The following UBASH3B variants were observed in gnomAD, a reference collection of about 807,000 sequenced individuals.
UBASH3B encodes ubiquitin-associated and SH3 domain-containing protein B.
Under a neutral mutation model 83.4 loss-of-function variants are expected in UBASH3B, and 37 were observed. The ratio of observed to expected loss-of-function variants is 0.44; its 90% CI spans 0.34 to 0.58. The LOEUF (loss-of-function observed/expected upper bound fraction) is 0.58. Ranked by LOEUF, UBASH3B falls within the 20% of genes least tolerant of loss-of-function variation. The probability of loss-of-function intolerance (pLI) is 0.01; values close to 1 mark genes in which losing one functional copy is unlikely to be tolerated. For missense variants in UBASH3B, 657 were observed against 827.2 expected (o/e 0.79, Z 2.52); for synonymous variants, 304 against 318.3 (o/e 0.96, Z 0.48).
chr11:122,804,597 C>CA (rs1861306721), intron 11 of UBASH3B, among the ~76,000 whole-genome samples: 1 of 152,112 alleles, frequency 6.6e-6, no homozygotes, highest in South Asian at 2.1e-4. Context: ...TTTTGTCATC[C>CA]ATAAACAGCA....
chr11:122,773,663 G>A lies in UBASH3B; in HGVS notation c.162-2556G>A, dbSNP rs113281325. 9.6e-3 allele frequency among the ~76,000 whole-genome samples: 1,463 copies of A among 152,194 alleles called. 19 individuals carry two copies. The highest frequency in any genetic ancestry group is 0.034 in the African/African-American group (1,401 of 41,530). On this transcript the variant is annotated intron_variant, in intron 1 of 13. Transcript: ENST00000284273. ...TCAGATCTCGGCTTTTCAGAACAAAGAATTTGGATTTCCTTAGCCTTTCAT... is the reference window on the plus strand; with the variant it reads ...TCAGATCTCGGCTTTTCAGAACAAAAAATTTGGATTTCCTTAGCCTTTCAT...
intron 3 of UBASH3B, among the ~76,000 whole-genome samples, chr11:122,777,743 G>T (rs1263695434): frequency 6.6e-6 from 1 of 151,950 alleles, no homozygotes; most frequent in African/African-American, 2.4e-5. Flanking sequence ...TGTTGTTGTT[G>T]TTTTGAGACA....
intron 1 of UBASH3B, among the ~76,000 whole-genome samples, chr11:122,668,825 T>A (rs1198962565): frequency 2.0e-5 from 3 of 152,220 alleles, no homozygotes; most frequent in Admixed American, 6.5e-5. Flanking sequence ...CTCAAAGTAC[T>A]GTGAACTGTT....
intron 2 of UBASH3B, 48 bp from the exon 3 acceptor site, chr11:122,776,976 T>G (rs372671239): frequency 2.0e-6 from 3 of 1,506,510 alleles, no homozygotes; most frequent in African/African-American, 2.8e-5. Context: ...TTTTTTCCCC[T>G]CCCATTATTC....
At chr11:122,792,955 C>G (rs1296341920) in intron 6 of UBASH3B, among the ~76,000 whole-genome samples, 1 of 151,494 alleles carries the variant, frequency 6.6e-6, no homozygotes, top group African/African-American at 2.4e-5. Context: ...TCTGAGACTT[C>G]GTTTATAAGT....
intron 1 of UBASH3B, among the ~76,000 whole-genome samples, chr11:122,690,916 A>G (rs1377825833): frequency 6.6e-6 from 1 of 152,130 alleles, no homozygotes; most frequent in Non-Finnish European, 1.5e-5. Flanking sequence ...GAACTTGATC[A>G]CTGGGCCCGA....
intron 1 of UBASH3B, among the ~76,000 whole-genome samples, chr11:122,746,875 G>A (rs538678644): frequency 6.6e-6 from 1 of 152,194 alleles, no homozygotes; most frequent in Non-Finnish European, 1.5e-5. Context: ...GGCCGTGAGG[G>A]GGGATTTGTG....
intron 4 of UBASH3B, among the ~76,000 whole-genome samples, chr11:122,780,024 A>G (rs1860823239): frequency 6.6e-6 from 1 of 152,194 alleles, no homozygotes; most frequent in Non-Finnish European, 1.5e-5. Context: ...ATTCAGAATT[A>G]AAGAAACATC....
intron 4 of UBASH3B, among the ~76,000 whole-genome samples, chr11:122,781,203 G>GGACT (rs1474371530): frequency 2.7e-5 from 4 of 150,766 alleles, no homozygotes; most frequent in African/African-American, 9.8e-5. Context: ...CTCAGCGACG[G>GGACT]GACTAGTCTC....
intron 1 of UBASH3B, among the ~76,000 whole-genome samples, chr11:122,731,385 A>C (rs1860841717): frequency 1.3e-5 from 2 of 152,086 alleles, no homozygotes; most frequent in African/African-American, 4.8e-5. Flanking sequence ...TTAAATGGAG[A>C]ACTTTACGTC....
chr11:122,675,190 G>T (rs1178309668), intron 1 of UBASH3B, among the ~76,000 whole-genome samples: 1 of 152,170 alleles, frequency 6.6e-6, no homozygotes, highest in Non-Finnish European at 1.5e-5. Context: ...CTGCTTTGCT[G>T]GTTTATTTTT....
At chr11:122,700,038 C>T (rs978759857) in intron 1 of UBASH3B, among the ~76,000 whole-genome samples, 4 of 152,110 alleles carry the variant, frequency 2.6e-5, no homozygotes, top group African/African-American at 9.7e-5. Context: ...TTCACTTGGC[C>T]GTATTCAGTG....
At chr11:122,667,772 G>T (rs538159119) in intron 1 of UBASH3B, among the ~76,000 whole-genome samples, 10 of 152,298 alleles carry the variant, frequency 6.6e-5, no homozygotes, top group African/African-American at 1.9e-4. Context: ...GAAATCTGTA[G>T]CTGGAATTGC....
chr11:122,664,621 GATAGGTGATCCCTTT>G (rs1445679927), intron 1 of UBASH3B, among the ~76,000 whole-genome samples: 9 of 152,192 alleles, frequency 5.9e-5, no homozygotes, highest in Non-Finnish European at 1.0e-4. Context: ...CTCGGTATGT[GATAGGTGATCCCTTT>G]TCTTGTTTCA....
chr11:122,683,314 A>G (rs1482288300), intron 1 of UBASH3B, among the ~76,000 whole-genome samples: 1 of 151,420 alleles, frequency 6.6e-6, no homozygotes, highest in Non-Finnish European at 1.5e-5. Context: ...GACTGTGACT[A>G]TTTAAATTAT....
At chr11:122,775,943 A>T (rs1457039617) in intron 1 of UBASH3B, 1 of 361,074 alleles carries the variant, frequency 2.8e-6, no homozygotes, top group African/African-American at 2.1e-5. Flanking sequence ...AAGCAAAAAT[A>T]AAACTCTAAT....
chr11:122,679,052 G>A (rs951228916), intron 1 of UBASH3B, among the ~76,000 whole-genome samples: 1 of 152,148 alleles, frequency 6.6e-6, no homozygotes, highest in African/African-American at 2.4e-5. Flanking sequence ...GAGGTACTAA[G>A]AGACCTGACT....
At chr11:122,799,674 C>A (rs1861217606) in intron 10 of UBASH3B, among the ~76,000 whole-genome samples, 1 of 152,136 alleles carries the variant, frequency 6.6e-6, no homozygotes, top group Admixed American at 6.5e-5. Context: ...TGTTGTTTGC[C>A]TCCTGTTGAC....
intron 11 of UBASH3B, among the ~76,000 whole-genome samples, chr11:122,803,191 T>C (rs1392584188): frequency 6.6e-6 from 1 of 152,142 alleles, no homozygotes; most frequent in Non-Finnish European, 1.5e-5. Flanking sequence ...GGGTAGGAGA[T>C]GAAGCCTCTA....
Sources: allele counts gnomAD v4.1 joint callset (sites outside exome capture counted in the v4.1 genomes callset), GRCh38; gene constraint gnomAD v4.1.1; transcripts MANE v1.5; gene names NCBI Gene and HGNC (gene_info 2026-07-23, HGNC 2026-07-21).